PBLD: variants seen among roughly 807,000 people sequenced by gnomAD.
The protein encoded by PBLD is phenazine biosynthesis-like domain-containing protein.
Under a neutral mutation model 31.3 loss-of-function variants are expected in PBLD, and 26 were observed. That is an observed-to-expected ratio of 0.83 (90% confidence interval 0.61 to 1.15). The LOEUF (loss-of-function observed/expected upper bound fraction) is 1.15. Ranked by LOEUF, PBLD falls within the 50% of genes most tolerant of loss-of-function variation. The probability of loss-of-function intolerance (pLI) is 0.00; values close to 1 mark genes in which losing one functional copy is unlikely to be tolerated. For synonymous variants in PBLD, 114 were observed against 129.0 expected, an observed-to-expected ratio of 0.88 and a Z score of 0.79; for missense variants, 307 against 351.7, an observed-to-expected ratio of 0.87 and a Z score of 1.02.
At chr10:68,319,053 G>GAGAAAAAGAAAGAAAGAA (rs2044781739) in intron 1 of PBLD, among the ~76,000 whole-genome samples, 4 of 98,894 alleles carry the variant, frequency 4.0e-5, no homozygotes, top group Non-Finnish European at 7.5e-5. Context: ...AAGAAAGAGA[G>GAGAAAAAGAAAGAAAGAA]AGAAAGAAAG....
chr10:68,312,777 A>AT (rs542218668), intron 1 of PBLD, among the ~76,000 whole-genome samples: 153 of 148,254 alleles, frequency 1.0e-3, no homozygotes, highest in African/African-American at 3.7e-3. Context: ...GGCCTGGCTA[A>AT]TTTTTTTGTA....
At chr10:68,287,080 G>T (rs1390513699) in intron 8 of PBLD, 1 of 142,556 alleles carries the variant, frequency 7.0e-6, no homozygotes. Context: ...AGGGAGCTGA[G>T]AACGTGCCAT....
At chr10:68,309,908 G>T (rs982228631) in intron 1 of PBLD, among the ~76,000 whole-genome samples, 2 of 149,934 alleles carry the variant, frequency 1.3e-5, no homozygotes, top group African/African-American at 4.9e-5. Flanking sequence ...GACTGAGGTG[G>T]GTGGATCACT....
chr10:68,329,081 G>C (rs1223991995), intron 1 of PBLD, among the ~76,000 whole-genome samples: 1 of 152,128 alleles, frequency 6.6e-6, no homozygotes, highest in African/African-American at 2.4e-5. Flanking sequence ...GTTTCCCTAT[G>C]TTGGCCAGGT....
At chr10:68,304,442 C>G (rs571830335) in intron 2 of PBLD, among the ~76,000 whole-genome samples, 8 of 152,318 alleles carry the variant, frequency 5.3e-5, no homozygotes, top group South Asian at 2.1e-4. Context: ...TCTTCTTTTT[C>G]CTTCTTCCAT....
chr10:68,319,059 G>GAAAGAA (rs1564737405), intron 1 of PBLD, among the ~76,000 whole-genome samples: 1 of 92,820 alleles, frequency 1.1e-5, no homozygotes, highest in Non-Finnish European at 2.1e-5. Context: ...GAGAGAGAAA[G>GAAAGAA]AAAGAAAGAA....
chr10:68,312,995 G>A (rs1170644126), intron 1 of PBLD, among the ~76,000 whole-genome samples: 2 of 151,918 alleles, frequency 1.3e-5, no homozygotes, highest in African/African-American at 4.8e-5. Context: ...GTTCACTGCA[G>A]CCTCGACCTC....
rs974122340 is a variant in PBLD at position 68,284,017 on chromosome 10, G to A, written c.*160C>T. ...CCACCTTGGCCTCTCAAAGTGCTAC[G>A]ATTACAGGCATGAGCCACTGCGCCT... On this transcript the variant is annotated 3_prime_UTR_variant, in exon 10 of 10. Transcript: ENST00000358769. The A allele has an allele frequency of 3.4e-5, 20 of 591,950 alleles. No homozygotes were observed. Among genetic ancestry groups the A allele is most frequent in the African/African-American group, 1.7e-4 (9 of 53,150 alleles). 36.7% of individuals were successfully genotyped at this position (591,950 alleles called of 1,614,324 possible). A position where few individuals can be genotyped will look rare whatever the true frequency, so the allele number is the denominator to read the frequency against.
chr10:68,286,623 G>A (rs1284169851), intron 8 of PBLD, among the ~76,000 whole-genome samples: 2 of 152,120 alleles, frequency 1.3e-5, no homozygotes, highest in East Asian at 3.9e-4. Flanking sequence ...ATAGGCATGA[G>A]CCACTGCACC....
At chr10:68,332,172 T>A (rs1222647218) in intron 1 of PBLD, 1 of 152,328 alleles carries the variant, frequency 6.6e-6, no homozygotes, top group Non-Finnish European at 1.5e-5. Flanking sequence ...TTCTTTGAAC[T>A]GGACCCCGCG....
chr10:68,303,025 CGG>C (rs1209531104), intron 2 of PBLD, among the ~76,000 whole-genome samples: 3 of 150,966 alleles, frequency 2.0e-5, no homozygotes, highest in Non-Finnish European at 4.4e-5. Context: ...TATTGTCAAA[CGG>C]ATTGTCAGGC....
intron 8 of PBLD, chr10:68,287,229 G>A (rs1048960998): frequency 6.6e-6 from 1 of 152,100 alleles, no homozygotes; most frequent in Admixed American, 6.6e-5. Flanking sequence ...AAACCCTTCA[G>A]TCCCAAGCAA....
Position 68,305,270 on chromosome 10 carries a change from CT to C in PBLD, c.84+1490del, listed in dbSNP as rs71009039. Reference sequence around the variant, plus strand: ...AACGACATTCCGCTCATCAGTCCTCCTTTTTTTTTTTTTTTCTTTTTTCTTA... The same window carrying C: ...AACGACATTCCGCTCATCAGTCCTCCTTTTTTTTTTTTTTCTTTTTTCTTA... On this transcript the variant is annotated intron_variant, in intron 2 of 9. Coordinates refer to ENST00000358769, the MANE Select transcript of PBLD (RefSeq NM_022129.4). 3.1e-3 allele frequency among the ~76,000 whole-genome samples: 426 copies of C among 136,094 alleles called. 1 individual carries two copies. Among genetic ancestry groups the C allele is most frequent in the African/African-American group, 9.9e-3 (365 of 36,866 alleles). 89.3% of individuals were successfully genotyped at this position (136,094 alleles called of 152,430 possible).
At chr10:68,320,526 A>G (rs541419209) in intron 1 of PBLD, among the ~76,000 whole-genome samples, 1 of 152,296 alleles carries the variant, frequency 6.6e-6, no homozygotes, top group East Asian at 1.9e-4. Flanking sequence ...GTGTATTTGC[A>G]TATAACCTAT....
intron 2 of PBLD, among the ~76,000 whole-genome samples, chr10:68,302,950 T>C (rs765548124): frequency 6.6e-6 from 1 of 152,040 alleles, no homozygotes; most frequent in Non-Finnish European, 1.5e-5. Flanking sequence ...CCAGCTATCA[T>C]CATAATGTAT....
intron 2 of PBLD, among the ~76,000 whole-genome samples, chr10:68,299,571 AG>A (rs1224674831): frequency 6.6e-6 from 1 of 152,082 alleles, no homozygotes; most frequent in African/African-American, 2.4e-5. Flanking sequence ...AAATCTTAGC[AG>A]GGGCCAGGTG....
chr10:68,327,118 G>A (rs1589678186), intron 1 of PBLD, among the ~76,000 whole-genome samples: 1 of 152,118 alleles, frequency 6.6e-6, no homozygotes, highest in African/African-American at 2.4e-5. Flanking sequence ...CAATTCACTG[G>A]TAGCTGGTGT....
intron 1 of PBLD, among the ~76,000 whole-genome samples, chr10:68,321,074 G>A (rs563787162): frequency 6.6e-6 from 1 of 152,148 alleles, no homozygotes; most frequent in Non-Finnish European, 1.5e-5. Context: ...CACCCACCTC[G>A]GCCTCCCAAA....
intron 1 of PBLD, among the ~76,000 whole-genome samples, chr10:68,310,386 C>T (rs983701193): frequency 4.6e-5 from 5 of 109,770 alleles, no homozygotes; most frequent in East Asian, 3.1e-4. Flanking sequence ...TATATATATA[C>T]ACATTGTGAA....
Sources: allele counts gnomAD v4.1 joint callset (sites outside exome capture counted in the v4.1 genomes callset), GRCh38; gene constraint gnomAD v4.1.1; transcripts MANE v1.5; gene names NCBI Gene and HGNC (gene_info 2026-07-23, HGNC 2026-07-21).